DNAAF3: variants seen among roughly 807,000 people sequenced by gnomAD.
DNAAF3 encodes the protein UPF0470 protein C19orf51.
In DNAAF3, 40 loss-of-function variants were observed where a neutral mutation model predicts 50.9. The ratio of observed to expected loss-of-function variants is 0.79; its 90% CI spans 0.61 to 1.02. DNAAF3 has a LOEUF of 1.02. DNAAF3 is among the 50% of genes least tolerant of loss of function. The probability of loss-of-function intolerance (pLI) is 0.00; values close to 1 mark genes in which losing one functional copy is unlikely to be tolerated. For missense variants in DNAAF3, 763 were observed against 744.7 expected, an observed-to-expected ratio of 1.02 and a Z score of -0.29; for synonymous variants, 327 against 322.8, an observed-to-expected ratio of 1.01 and a Z score of -0.14.
chr19:55,163,668 T>C (rs1340327332), intron 4 of DNAAF3, among the ~76,000 whole-genome samples: 1 of 152,212 alleles, frequency 6.6e-6, no homozygotes, highest in Non-Finnish European at 1.5e-5. Context: ...CAGTCCCCAG[T>C]GTTACTGAGG....
At chr19:55,165,837 C>G in intron 3 of DNAAF3, 21 bp downstream of exon 3, 1 of 1,611,938 alleles carries the variant, frequency 6.2e-7, no homozygotes, top group Non-Finnish European at 8.5e-7. Context: ...AATCTGGGCT[C>G]TCATCTTCAT....
Position 55,160,690 on chromosome 19 carries a change from T to C in DNAAF3, c.998A>G (p.Asp333Gly). 1 of 1,613,308 alleles carries C rather than the reference T, an allele frequency of 6.2e-7. No individual in the cohort carries two copies. Among genetic ancestry groups the C allele is most frequent in the Non-Finnish European group, 8.5e-7 (1 of 1,179,904 alleles). ...CTCCGCGTGCTGCTGCTCCTCCAGG[T>C]CCCCCCCGGTGGCTCTCGCGCGCCC... is the stretch of plus-strand genomic sequence containing the variant. ...AWGRARATGG[D>G]LEEQQHAEGS... The change falls in exon 9 of 12, where the codon GAC becomes GGC. Residue 333 changes from aspartate (D) to glycine (G), a missense_variant. Coordinates refer to ENST00000524407, the MANE Select transcript of DNAAF3 (RefSeq NM_001256715.2). The surrounding 1 kb of genome is among the most constrained non-coding windows in gnomAD (Gnocchi z 4.7).
intron 10 of DNAAF3, 39 bp from the exon 11 acceptor site, chr19:55,159,646 A>G (rs1599917507): frequency 1.2e-6 from 2 of 1,611,722 alleles, no homozygotes; most frequent in East Asian, 4.5e-5. Flanking sequence ...ATTCAGCTCC[A>G]AATCCGGAGG....
chr19:55,164,517 C>T (rs1035019655), intron 4 of DNAAF3, among the ~76,000 whole-genome samples: 1 of 146,566 alleles, frequency 6.8e-6, no homozygotes, highest in Non-Finnish European at 1.5e-5. Flanking sequence ...AACCTGTTTT[C>T]TTTTTCTTTC....
At chr19:55,163,857 C>T (rs1270582842) in intron 4 of DNAAF3, among the ~76,000 whole-genome samples, 1 of 152,032 alleles carries the variant, frequency 6.6e-6, no homozygotes, top group Non-Finnish European at 1.5e-5. Flanking sequence ...CTCTGAATTC[C>T]CTGGGTCATT....
At chr19:55,165,706 C>A in intron 3 of DNAAF3, 152 bp downstream of exon 3, 1 of 1,356,476 alleles carries the variant, frequency 7.4e-7, no homozygotes, top group Non-Finnish European at 1.0e-6. Context: ...CCCTTCCTTC[C>A]CCCAAGACGC....
At chr19:55,165,833 G>T (rs966883640) in intron 3 of DNAAF3, 25 bp downstream of exon 3, 5 of 1,610,590 alleles carry the variant, frequency 3.1e-6, no homozygotes, top group Admixed American at 1.7e-5. Context: ...CGGGAATCTG[G>T]GCTCTCATCT....
chr19:55,165,914 G>C lies in DNAAF3; in HGVS notation c.172C>G (p.Arg58Gly), dbSNP rs1205985038. 6.2e-7 allele frequency: 1 copy of C among 1,614,162 alleles called. No homozygotes were observed. Residue 58 changes from arginine to glycine, a missense_variant, in exon 3 of 12, where the codon CGG (arginine) becomes GGG (glycine). Physicochemically the swap from Arg to Gly is moderately radical, Grantham distance 125. Transcript: ENST00000524407. ...CGGGACAGGGTCCGCAGCAGGTGCCGTCCATCCACAGAGCCCAGAAGCAGC... is the reference window on the plus strand; with the variant it reads ...CGGGACAGGGTCCGCAGCAGGTGCCCTCCATCCACAGAGCCCAGAAGCAGC... ...DVLLLGSVDG[R>G]HLLRTLSRAK...
intron 3 of DNAAF3, 69 bp from the exon 4 acceptor site, chr19:55,165,532 C>G: frequency 6.7e-7 from 1 of 1,481,488 alleles, no homozygotes; most frequent in Non-Finnish European, 9.4e-7. Flanking sequence ...CCCAGGAGAG[C>G]AGGCCCTCAG....
rs2085802350 is a variant in DNAAF3, at chr19:55,160,519, G to A, written c.1048+121C>T. 5 of 1,508,176 alleles carry A rather than the reference G, an allele frequency of 3.3e-6. No homozygotes were observed. Among genetic ancestry groups the A allele is most frequent in the Non-Finnish European group, 4.5e-6 (5 of 1,111,304 alleles). The allele number at this position is 1,508,176 out of a possible 1,614,324, so 93.4% of individuals were successfully genotyped here. The stretch of plus-strand genomic sequence containing the variant: ...GGAAAGGGAGAGAAAGAGAGAAAAA[G>A]AGACAGAATATCAAGAAGCCGTCAC... On this transcript the variant is annotated intron_variant, in intron 9 of 11. Transcript: ENST00000524407. The surrounding 1 kb of genome is among the most constrained non-coding windows in gnomAD (Gnocchi z 4.7).
At position 55,159,062 on chromosome 19, in the gene DNAAF3, TCAGACTC is replaced by T. The variant is rs751595691; in HGVS notation, c.1619_1625del (p.Gly540AspfsTer17). 6 of 1,578,658 alleles carry T rather than the reference TCAGACTC, an allele frequency of 3.8e-6. No homozygotes were observed. The Admixed American group carries it at 7.2e-5, about 19-fold the overall frequency. ...AGATAAGGGGTGTCTAGGGGTTGGG[TCAGACTC>T]CAGTTTTGGAGTCTGACTCACAGTT... On this transcript the variant is annotated frameshift_variant and stop_lost, in exon 12 of 12. Coordinates refer to ENST00000524407, the MANE Select transcript of DNAAF3 (RefSeq NM_001256715.2). LOFTEE classifies it high-confidence loss of function.
chr19:55,161,694 G>C lies in DNAAF3; in HGVS notation c.612C>G (p.Ala204=). Reference sequence around the variant, plus strand: ...GGTCCCAGTCGCTGACACCGCGCCGGGCGTCGTAGCGGGAGCCCAGGTAGT... The same window carrying C: ...GGTCCCAGTCGCTGACACCGCGCCGCGCGTCGTAGCGGGAGCCCAGGTAGT... ...LRHYLGSRYD[A]RRGVSDWDLR... is the part of the protein sequence containing the mutation. Residue 204 remains alanine (A), a synonymous_variant, in exon 6 of 12, where the codon GCC becomes GCG. Coordinates refer to ENST00000524407, the MANE Select transcript of DNAAF3 (RefSeq NM_001256715.2). This position sits in a 1 kb window ranked among gnomAD's most constrained non-coding sequence, Gnocchi z 6.4. 6.5e-7 allele frequency: 1 copy of C among 1,540,926 alleles called. No homozygotes were observed. Among genetic ancestry groups the C allele is most frequent in the Non-Finnish European group, 8.7e-7 (1 of 1,146,576 alleles).
chr19:55,162,580 C>G, intron 4 of DNAAF3: 1 of 969,112 alleles, frequency 1.0e-6, no homozygotes, highest in Non-Finnish European at 1.3e-6. Flanking sequence ...AGTGAGACTC[C>G]GCCTCTAAAA....
intron 4 of DNAAF3, among the ~76,000 whole-genome samples, chr19:55,165,021 C>CTTTTTT (rs1164581047): frequency 2.4e-5 from 2 of 84,572 alleles, no homozygotes. Flanking sequence ...GTTTCGCTCT[C>CTTTTTT]TTTTTTTTTT....
At chr19:55,164,257 G>C (rs1421809899) in intron 4 of DNAAF3, among the ~76,000 whole-genome samples, 3 of 152,106 alleles carry the variant, frequency 2.0e-5, no homozygotes, top group Non-Finnish European at 4.4e-5. Flanking sequence ...AAGGCGGGCG[G>C]ATCACCTGAG....
chr19:55,163,480 CG>C (rs1475659499), intron 4 of DNAAF3, among the ~76,000 whole-genome samples: 1 of 151,610 alleles, frequency 6.6e-6, no homozygotes, highest in East Asian at 1.9e-4. Context: ...CTTGTAGAGA[CG>C]GGGTCTCACT....
At chr19:55,162,329 G>C in intron 4 of DNAAF3, 39 bp from the exon 5 acceptor site, 1 of 1,248,810 alleles carries the variant, frequency 8.0e-7, no homozygotes, top group Non-Finnish European at 1.0e-6. Context: ...ATGTGTGGAG[G>C]AGGGAGCCCA....
chr19:55,160,566 T>C lies in DNAAF3; in HGVS notation c.1048+74A>G. 6.2e-7 allele frequency: 1 copy of C among 1,605,808 alleles called. No homozygotes were observed. The highest frequency in any genetic ancestry group is 8.5e-7 in the Non-Finnish European group (1 of 1,177,566). On this transcript the variant is annotated intron_variant, in intron 9 of 11. Coordinates refer to ENST00000524407, the MANE Select transcript of DNAAF3 (RefSeq NM_001256715.2). This position sits in a 1 kb window ranked among gnomAD's most constrained non-coding sequence, Gnocchi z 4.7. Reference sequence around the variant, plus strand: ...TCACTTGCCCAGGCATTCCAAATCATGTCAGTCCACACTCCAGTGTGAAAC... The same window carrying C: ...TCACTTGCCCAGGCATTCCAAATCACGTCAGTCCACACTCCAGTGTGAAAC...
At position 55,162,124 on chromosome 19, in the gene DNAAF3, C is replaced by T; in HGVS notation, c.480+9G>A. On this transcript the variant is annotated intron_variant, in intron 5 of 11. Coordinates refer to ENST00000524407, the MANE Select transcript of DNAAF3 (RefSeq NM_001256715.2). ...CACCCGATCCCAGATGGAGGCCGGG[C>T]GGCGGCACCTTGAGGGCGCGGAGGC... 1.6e-6 allele frequency: 2 copies of T among 1,245,664 alleles called. No individual in the cohort carries two copies. The highest frequency in any genetic ancestry group is 2.5e-4 in the Middle Eastern group (1 of 3,980). The allele number at this position is 1,245,664 out of a possible 1,614,324, so 77.2% of individuals were successfully genotyped here.
Sources: allele counts gnomAD v4.1 joint callset (sites outside exome capture counted in the v4.1 genomes callset), GRCh38; gene constraint gnomAD v4.1.1; non-coding constraint Gnocchi (gnomAD v3.1); transcripts MANE v1.5; gene names NCBI Gene and HGNC (gene_info 2026-07-23, HGNC 2026-07-21).